The following CCSER1 variants were observed in gnomAD, a reference collection of about 807,000 sequenced individuals.
The protein encoded by CCSER1 is serine-rich coiled-coil domain-containing protein 1.
Under a neutral mutation model 82.0 loss-of-function variants are expected in CCSER1, and 41 were observed. The ratio of observed to expected loss-of-function variants is 0.50; its 90% CI spans 0.39 to 0.65. The LOEUF (loss-of-function observed/expected upper bound fraction) is 0.65. Among genes scored for constraint, CCSER1 ranks in the 30% least tolerant of loss-of-function variants. CCSER1 has a pLI of 0.00. For synonymous variants in CCSER1, 414 were observed against 383.9 expected, an observed-to-expected ratio of 1.08 and a Z score of -0.92; for missense variants, 1,119 against 1,064.2, an observed-to-expected ratio of 1.05 and a Z score of -0.72.
intron 8 of CCSER1, among the ~76,000 whole-genome samples, chr4:90,881,001 A>G (rs1721224227): frequency 6.6e-6 from 1 of 151,626 alleles, no homozygotes; most frequent in Non-Finnish European, 1.5e-5. Flanking sequence ...AGAGCCACGC[A>G]CACTAGCTGC....
At chr4:90,607,022 A>C (rs758903530) in intron 5 of CCSER1, among the ~76,000 whole-genome samples, 6 of 152,208 alleles carry the variant, frequency 3.9e-5, no homozygotes, top group Non-Finnish European at 5.9e-5. Context: ...AGTAAATCAT[A>C]ATAATCATTG....
intron 5 of CCSER1, among the ~76,000 whole-genome samples, chr4:90,614,462 T>C (rs1474010229): frequency 6.6e-6 from 1 of 152,180 alleles, no homozygotes; most frequent in African/African-American, 2.4e-5. Context: ...AGCCACGTTG[T>C]GGATGCAAAG....
chr4:91,254,210 T>C (rs182436955), intron 10 of CCSER1, among the ~76,000 whole-genome samples: 1 of 152,202 alleles, frequency 6.6e-6, no homozygotes, highest in Admixed American at 6.5e-5. Flanking sequence ...ACCAAATAGA[T>C]CTAACAGACG....
At chr4:90,938,585 A>G in intron 9 of CCSER1, 1 of 266,386 alleles carries the variant, frequency 3.8e-6, no homozygotes, top group South Asian at 3.9e-5. Flanking sequence ...GTTTGTTAAA[A>G]GTGTGTGAAC....
At position 90,139,789 on chromosome 4, in the gene CCSER1, T is replaced by TAAAC. The variant is rs564073410; in HGVS notation, c.-42+11974_-42+11977dup. Reference sequence around the variant, plus strand: ...ACAACATGATGAACTCTGTCTCTACTAAACAAACAAACAAACAAAAATTAG... The same window carrying TAAAC: ...ACAACATGATGAACTCTGTCTCTACTAAACAAACAAACAAACAAACAAAAATTAG... On this transcript the variant is annotated intron_variant, in intron 1 of 10. Coordinates refer to ENST00000509176, the MANE Select transcript of CCSER1 (RefSeq NM_001145065.2). Among the ~76,000 whole-genome samples the TAAAC allele has an allele frequency of 1.6e-3, 245 of 152,094 alleles. 2 individuals are homozygous for TAAAC. The highest frequency in any genetic ancestry group is 5.3e-3 in the African/African-American group (218 of 41,500).
chr4:90,348,420 A>G (rs1742806144), intron 3 of CCSER1, among the ~76,000 whole-genome samples: 1 of 152,210 alleles, frequency 6.6e-6, no homozygotes, highest in South Asian at 2.1e-4. Flanking sequence ...TCATAAAACC[A>G]TATTATTCAA....
rs550685185 is a variant in CCSER1 at position 90,478,215 on chromosome 4, A to C, written c.1724+9861A>C. 2.0e-5 allele frequency among the ~76,000 whole-genome samples: 3 copies of C among 152,346 alleles called. No individual in the cohort carries two copies. In the South Asian group the frequency reaches 6.2e-4, roughly 32 times the overall value. ...TAATATTTTTAATTCTTTGAGTTAA[A>C]GGGTTCCCCTGATTGATGGAAAAAT... On this transcript the variant is annotated intron_variant, in intron 5 of 10. Transcript: ENST00000509176.
intron 10 of CCSER1, among the ~76,000 whole-genome samples, chr4:91,100,913 A>C (rs1294658563): frequency 6.6e-6 from 1 of 152,228 alleles, no homozygotes; most frequent in Non-Finnish European, 1.5e-5. Context: ...GGAAAAAAAT[A>C]ACAGTACACT....
chr4:90,807,235 T>C (rs1757639748), intron 7 of CCSER1, among the ~76,000 whole-genome samples: 1 of 152,202 alleles, frequency 6.6e-6, no homozygotes, highest in Admixed American at 6.6e-5. Context: ...ACTATGCTAA[T>C]ATTAATATTT....
At chr4:90,153,823 T>G (rs1462068565) in intron 1 of CCSER1, among the ~76,000 whole-genome samples, 1 of 152,190 alleles carries the variant, frequency 6.6e-6, no homozygotes, top group Non-Finnish European at 1.5e-5. Context: ...TTTCTCCCAT[T>G]TTGTAGGTTG....
intron 10 of CCSER1, among the ~76,000 whole-genome samples, chr4:91,454,560 T>C (rs1756046845): frequency 6.6e-6 from 1 of 152,074 alleles, no homozygotes; most frequent in Admixed American, 6.6e-5. Flanking sequence ...TGCCAAAAAG[T>C]TAACATTTAC....
rs1740038161 is a variant in CCSER1 at position 91,022,145 on chromosome 4, T to TC, written c.2173-63799dup. Among the ~76,000 whole-genome samples the TC allele has an allele frequency of 1.9e-5, 2 of 104,470 alleles. 1 individual carries two copies. Among genetic ancestry groups the TC allele is most frequent in the South Asian group, 7.7e-4 (2 of 2,600 alleles). The allele number at this position is 104,470 out of a possible 152,430, so 68.5% of individuals were successfully genotyped here. On this transcript the variant is annotated intron_variant, in intron 9 of 10. Transcript: ENST00000509176. ...TAGGTATATCTCCTAATGCTATCCC[T>TC]CCCCCCTCCCCCCACCCCACACCAG...
intron 10 of CCSER1, among the ~76,000 whole-genome samples, chr4:91,094,678 G>C (rs571656744): frequency 1.4e-4 from 22 of 152,150 alleles, no homozygotes; most frequent in Non-Finnish European, 2.8e-4. Flanking sequence ...TAACTTGTAT[G>C]AGTACTGGGG....
At chr4:90,173,918 T>TTTATA (rs2153380305) in intron 1 of CCSER1, among the ~76,000 whole-genome samples, 1 of 152,034 alleles carries the variant, frequency 6.6e-6, no homozygotes, top group African/African-American at 2.4e-5. Context: ...GATGACTTAG[T>TTTATA]TTATATTTTT....
intron 10 of CCSER1, among the ~76,000 whole-genome samples, chr4:91,438,818 G>A (rs958218743): frequency 2.6e-5 from 4 of 152,188 alleles, no homozygotes; most frequent in African/African-American, 7.2e-5. Flanking sequence ...CAAGGCTCGA[G>A]AACTACGTGA....
chr4:90,363,446 C>G (rs1051929028), intron 3 of CCSER1, among the ~76,000 whole-genome samples: 1 of 151,910 alleles, frequency 6.6e-6, no homozygotes, highest in Non-Finnish European at 1.5e-5. Flanking sequence ...CACTGTGGCA[C>G]CTAAAGTACA....
At chr4:91,308,397 G>T (rs936492488) in intron 10 of CCSER1, among the ~76,000 whole-genome samples, 7 of 151,956 alleles carry the variant, frequency 4.6e-5, no homozygotes, top group African/African-American at 1.7e-4. Context: ...GGAAGCGTTT[G>T]GTGTTATAAT....
chr4:90,882,942 C>A (rs1249603445), intron 8 of CCSER1, among the ~76,000 whole-genome samples: 1 of 151,944 alleles, frequency 6.6e-6, no homozygotes, highest in African/African-American at 2.4e-5. Context: ...ATGTTTAGAG[C>A]AATATTTATC....
intron 1 of CCSER1, among the ~76,000 whole-genome samples, chr4:90,176,934 T>C (rs1160668408): frequency 2.0e-5 from 3 of 152,060 alleles, no homozygotes; most frequent in Admixed American, 2.0e-4. Flanking sequence ...TAGAACAACC[T>C]GCTGTTGGTA....
Sources: gnomAD v4.1 joint callset for allele counts (sites outside exome capture counted in the v4.1 genomes callset) on GRCh38, gnomAD v4.1.1 for gene constraint, MANE v1.5 for transcripts, NCBI Gene and HGNC (gene_info 2026-07-23, HGNC 2026-07-21) for gene names.